CDKAL1: variants seen among roughly 807,000 people sequenced by gnomAD.
The protein encoded by CDKAL1 is threonylcarbamoyladenosine tRNA methylthiotransferase.
In CDKAL1, 32 loss-of-function variants were observed where a neutral mutation model predicts 68.2. That is an observed-to-expected ratio of 0.47 (90% CI 0.35 to 0.63). The LOEUF (loss-of-function observed/expected upper bound fraction) is 0.63, where lower values mean the gene tolerates loss of function less well. Among genes scored for constraint, CDKAL1 ranks in the 30% least tolerant of loss-of-function variants. The probability of loss-of-function intolerance (pLI) is 0.00; values close to 1 mark genes in which losing one functional copy is unlikely to be tolerated. For missense variants in CDKAL1, 606 were observed against 696.7 expected, an observed-to-expected ratio of 0.87 and a Z score of 1.47; for synonymous variants, 234 against 244.3, an observed-to-expected ratio of 0.96 and a Z score of 0.39.
At chr6:21,066,186 A>C (rs1771430224) in intron 12 of CDKAL1, among the ~76,000 whole-genome samples, 1 of 152,136 alleles carries the variant, frequency 6.6e-6, no homozygotes, top group Admixed American at 6.5e-5. Context: ...GATGTATATT[A>C]GTTAAAGTCT....
intron 8 of CDKAL1, among the ~76,000 whole-genome samples, chr6:20,823,921 T>TA (rs1272611128): frequency 6.6e-6 from 1 of 152,142 alleles, no homozygotes; most frequent in Non-Finnish European, 1.5e-5. Context: ...AAAAGCAAGA[T>TA]ACTTCGTGGC....
At chr6:20,632,008 AT>A (rs1357205210) in intron 4 of CDKAL1, among the ~76,000 whole-genome samples, 2 of 152,256 alleles carry the variant, frequency 1.3e-5, no homozygotes, top group Non-Finnish European at 2.9e-5. Context: ...CATCTGTTAA[AT>A]GAAAACATTT....
intron 4 of CDKAL1, among the ~76,000 whole-genome samples, chr6:20,618,261 G>T (rs942612263): frequency 3.9e-5 from 6 of 152,046 alleles, no homozygotes; most frequent in South Asian, 4.1e-4. Context: ...TTTTGATGGG[G>T]TTGTTTTTTT....
intron 6 of CDKAL1, among the ~76,000 whole-genome samples, chr6:20,757,935 A>T (rs143320421): frequency 2.6e-5 from 4 of 152,248 alleles, no homozygotes; most frequent in African/African-American, 9.6e-5. Context: ...GGTTTCTCCA[A>T]TCATAATCCT....
chr6:21,016,167 T>G (rs1768319298), intron 11 of CDKAL1, among the ~76,000 whole-genome samples: 1 of 151,734 alleles, frequency 6.6e-6, no homozygotes, highest in East Asian at 1.9e-4. Context: ...TATATATATA[T>G]AGACCTCATT....
rs1768095795 is a variant in CDKAL1 at position 21,012,812 on chromosome 6, A to G, written c.1055+12440A>G. ...GTGAATGCTCTTCTGAGTGGGTTCTAATACTTCCTTCTCGTACCAGCATGA... is the reference window on the plus strand; with the variant it reads ...GTGAATGCTCTTCTGAGTGGGTTCTGATACTTCCTTCTCGTACCAGCATGA... On this transcript the variant is annotated intron_variant, in intron 11 of 15. Coordinates refer to ENST00000274695, the MANE Select transcript of CDKAL1 (RefSeq NM_017774.3). 2.6e-5 allele frequency among the ~76,000 whole-genome samples: 4 copies of G among 152,066 alleles called. No individual in the cohort carries two copies. The South Asian group carries it at 8.3e-4, about 32-fold the overall frequency.
chr6:20,894,521 A>G (rs1186172533), intron 9 of CDKAL1, among the ~76,000 whole-genome samples: 1 of 151,848 alleles, frequency 6.6e-6, no homozygotes, highest in Non-Finnish European at 1.5e-5. Context: ...TGGTTTTATA[A>G]AAGAAGTTTG....
rs577583631 is a variant in CDKAL1, at chr6:20,673,923, T to C, written c.371+24546T>C. 2.6e-5 allele frequency among the ~76,000 whole-genome samples: 4 copies of C among 152,338 alleles called. No homozygotes were observed. The South Asian group carries it at 8.3e-4, about 32-fold the overall frequency. ...AGTGTGAAAACAGACTAATACACGATGGATACAGATACCTTGTTGTAGTTA... is the reference window on the plus strand; with the variant it reads ...AGTGTGAAAACAGACTAATACACGACGGATACAGATACCTTGTTGTAGTTA... On this transcript the variant is annotated intron_variant, in intron 5 of 15. Coordinates refer to ENST00000274695, the MANE Select transcript of CDKAL1 (RefSeq NM_017774.3).
At chr6:21,019,492 T>C (rs1422135575) in intron 11 of CDKAL1, among the ~76,000 whole-genome samples, 1 of 152,194 alleles carries the variant, frequency 6.6e-6, no homozygotes, top group Non-Finnish European at 1.5e-5. Flanking sequence ...TTAGACTTCC[T>C]AGAGGAATTT....
At chr6:21,219,756 T>C (rs1487551579) in intron 15 of CDKAL1, among the ~76,000 whole-genome samples, 3 of 152,226 alleles carry the variant, frequency 2.0e-5, no homozygotes, top group Non-Finnish European at 4.4e-5. Flanking sequence ...ACACATGTCT[T>C]CTTTTTCATT....
At chr6:20,565,153 A>T (rs34233572) in intron 4 of CDKAL1, among the ~76,000 whole-genome samples, 27,062 of 151,892 alleles carry the variant, frequency 0.18, 3,011 homozygotes, top group African/African-American at 0.32. Context: ...ATATATATAT[A>T]TTTTTAAATG....
intron 8 of CDKAL1, among the ~76,000 whole-genome samples, chr6:20,837,937 T>TTGTGTGTGTGTGTGTGTGTG (rs531904726): frequency 8.1e-6 from 1 of 123,176 alleles, no homozygotes; most frequent in African/African-American, 3.0e-5. Flanking sequence ...TGGGAAGAAA[T>TTGTGTGTGTGTGTGTGTGTG]TGTGTGTGTG....
intron 4 of CDKAL1, among the ~76,000 whole-genome samples, chr6:20,624,090 T>C (rs1377955118): frequency 1.3e-5 from 2 of 152,080 alleles, no homozygotes; most frequent in Non-Finnish European, 2.9e-5. Flanking sequence ...GTTCTTTTCT[T>C]GGTATTAGAT....
At chr6:20,838,020 C>T (rs1778024371) in intron 8 of CDKAL1, among the ~76,000 whole-genome samples, 1 of 143,058 alleles carries the variant, frequency 7.0e-6, no homozygotes, top group East Asian at 2.1e-4. Context: ...ATGTATACAT[C>T]TACTTGTATA....
intron 9 of CDKAL1, among the ~76,000 whole-genome samples, chr6:20,906,901 T>G (rs757614096): frequency 1.5e-4 from 23 of 152,140 alleles, no homozygotes; most frequent in Non-Finnish European, 2.9e-4. Flanking sequence ...GATGTTAATA[T>G]TAAGAGAAAA....
chr6:20,844,735 G>A (rs964136687), intron 8 of CDKAL1, among the ~76,000 whole-genome samples: 3 of 150,514 alleles, frequency 2.0e-5, no homozygotes, highest in African/African-American at 7.3e-5. Flanking sequence ...AGAAAATATC[G>A]ACAACAGTGT....
intron 9 of CDKAL1, among the ~76,000 whole-genome samples, chr6:20,927,330 A>C (rs1159856943): frequency 1.3e-5 from 2 of 152,146 alleles, no homozygotes; most frequent in Non-Finnish European, 2.9e-5. Context: ...CTGATAACCC[A>C]AGGAGGCAAG....
At chr6:20,936,467 G>C (rs1177630283) in intron 9 of CDKAL1, among the ~76,000 whole-genome samples, 1 of 150,770 alleles carries the variant, frequency 6.6e-6, no homozygotes, top group Non-Finnish European at 1.5e-5. Context: ...AGCCGGGATG[G>C]TCTCGATCTC....
chr6:20,999,244 TTTTC>T (rs1055405459), intron 10 of CDKAL1, among the ~76,000 whole-genome samples: 1 of 152,120 alleles, frequency 6.6e-6, no homozygotes, highest in African/African-American at 2.4e-5. Flanking sequence ...CTTTTTCTTT[TTTTC>T]TTTGTTTCTT....
Sources: gnomAD v4.1 joint callset for allele counts (sites outside exome capture counted in the v4.1 genomes callset) on GRCh38, gnomAD v4.1.1 for gene constraint, MANE v1.5 for transcripts, NCBI Gene and HGNC (gene_info 2026-07-23, HGNC 2026-07-21) for gene names.